Variants in SRP72 observed in about 807,000 individuals in gnomAD.
SRP72 encodes signal recognition particle subunit SRP72.
A neutral mutation model predicts 96.3 loss-of-function variants in SRP72; 49 were observed. The observed-to-expected ratio is 0.51, with a 90% CI of 0.40 to 0.65. SRP72 has a LOEUF of 0.65. SRP72 is among the 30% of genes least tolerant of loss of function. The pLI, the probability that SRP72 is intolerant of heterozygous loss-of-function variation, is 0.00. For synonymous variants in SRP72, 267 were observed against 275.2 expected (o/e 0.97, Z 0.30); for missense variants, 736 against 793.3 (o/e 0.93, Z 0.87).
chr4:56,473,328 C>G (rs991226746), intron 3 of SRP72, among the ~76,000 whole-genome samples: 4 of 151,848 alleles, frequency 2.6e-5, no homozygotes, highest in Non-Finnish European at 5.9e-5. Context: ...GGTGTGGTGG[C>G]GGGCGCCTGG....
chr4:56,483,604 G>A (rs1578186313), intron 9 of SRP72, among the ~76,000 whole-genome samples: 1 of 151,638 alleles, frequency 6.6e-6, no homozygotes, highest in South Asian at 2.1e-4. Flanking sequence ...CACAAGAATT[G>A]TTTGCAGTGA....
At chr4:56,483,021 C>G (rs1274266246) in intron 8 of SRP72, 118 bp from the exon 9 acceptor site, 1 of 839,070 alleles carries the variant, frequency 1.2e-6, no homozygotes, top group African/African-American at 1.8e-5. Context: ...TTAGCTTAGG[C>G]ACCCCAATCA....
At chr4:56,473,615 A>AT (rs1720074523) in intron 3 of SRP72, among the ~76,000 whole-genome samples, 1 of 151,304 alleles carries the variant, frequency 6.6e-6, no homozygotes, top group Non-Finnish European at 1.5e-5. Flanking sequence ...AAAATACAAA[A>AT]TTAGCCAGGC....
In SRP72 at chr4:56,471,754, T is replaced by C. The variant is rs1162608944; in HGVS notation, c.265T>C (p.Tyr89His). Reference sequence around the variant, plus strand: ...CTCCTTTGAAAAGGCATATTGCGAGTACAGGCTGAACAGAATTGAGAATGC... The same window carrying C: ...CTCCTTTGAAAAGGCATATTGCGAGCACAGGCTGAACAGAATTGAGAATGC... Reference protein sequence around the residue: ...SLSFEKAYCEYRLNRIENALK... With the variant: ...SLSFEKAYCEHRLNRIENALK... Residue 89 changes from tyrosine to histidine, a missense_variant, in exon 3 of 19, where the codon TAC (tyrosine) becomes CAC (histidine). This residue lies in a region of SRP72 where 329 missense variants were observed against 319.0 expected (regional missense o/e 1.03). Transcript: ENST00000642900. 6.2e-7 allele frequency: 1 copy of C among 1,613,938 alleles called. No homozygotes were observed. Among genetic ancestry groups the C allele is most frequent in the East Asian group, 2.2e-5 (1 of 44,874 alleles).
rs545546994 is a variant in SRP72, at chr4:56,482,364, C to T, written c.826-775C>T. ...TCGGGAGACTGAGGCAGGAGAATGG[C>T]GTGAACCCGTGAGGCGGAGCTGGTA... On this transcript the variant is annotated intron_variant, in intron 8 of 18. Transcript: ENST00000642900. 2.3e-4 allele frequency among the ~76,000 whole-genome samples: 35 copies of T among 151,326 alleles called. No homozygotes were observed. The East Asian group carries it at 6.5e-3, about 28-fold the overall frequency.
At chr4:56,499,480 A>G (rs545007970) in intron 17 of SRP72, among the ~76,000 whole-genome samples, 1 of 152,332 alleles carries the variant, frequency 6.6e-6, no homozygotes, top group East Asian at 1.9e-4. Flanking sequence ...AGTCCATCTG[A>G]CAAAGGGCTA....
chr4:56,493,394 G>C (rs1289680711), intron 16 of SRP72, among the ~76,000 whole-genome samples: 1 of 152,066 alleles, frequency 6.6e-6, no homozygotes, highest in African/African-American at 2.4e-5. Flanking sequence ...AAGCTTTTAA[G>C]TTTCAGCACA....
intron 16 of SRP72, 59 bp from the exon 17 acceptor site, chr4:56,495,298 T>C (rs1020299031): frequency 8.8e-6 from 11 of 1,248,208 alleles, no homozygotes; most frequent in Non-Finnish European, 2.3e-6. Context: ...GAGCACTTAC[T>C]TAATGCTCTA....
intron 16 of SRP72, among the ~76,000 whole-genome samples, chr4:56,493,432 CTTTAT>C (rs757141172): frequency 2.0e-5 from 3 of 152,170 alleles, no homozygotes; most frequent in Non-Finnish European, 2.9e-5. Flanking sequence ...TATTAATGCT[CTTTAT>C]TTTATCTTAT....
intron 6 of SRP72, 67 bp downstream of exon 6, chr4:56,476,769 A>G (rs1720239062): frequency 6.6e-7 from 1 of 1,525,754 alleles, no homozygotes; most frequent in South Asian, 1.2e-5. Context: ...CTGAGGCTTC[A>G]TTGTACTATT....
intron 13 of SRP72, among the ~76,000 whole-genome samples, chr4:56,489,817 G>A (rs966386262): frequency 2.0e-5 from 3 of 152,020 alleles, no homozygotes; most frequent in African/African-American, 7.2e-5. Context: ...GCCCATGGGT[G>A]GTAGTAATTA....
chr4:56,490,799 A>G (rs1720879844), intron 15 of SRP72, among the ~76,000 whole-genome samples, 154 bp downstream of exon 15: 1 of 152,204 alleles, frequency 6.6e-6, no homozygotes, highest in African/African-American at 2.4e-5. Context: ...TTTATTGATC[A>G]GTGTGACTGA....
rs1322161953 is a variant in SRP72, at chr4:56,502,386, AAAAT to A, written c.*529_*532del. On this transcript the variant is annotated 3_prime_UTR_variant, in exon 19 of 19. Coordinates refer to ENST00000642900, the MANE Select transcript of SRP72 (RefSeq NM_006947.4). The stretch of plus-strand genomic sequence containing the variant: ...CTTCACTAAATGGATGGCCACAAGA[AAAAT>A]AAAGTAAATGTCTTAAATAATTTAA... 1 of 150,526 alleles carries A rather than the reference AAAAT, an allele frequency of 6.6e-6. No homozygotes were observed. Among genetic ancestry groups the A allele is most frequent in the Non-Finnish European group, 1.5e-5 (1 of 67,874 alleles). The allele number at this position is 150,526 out of a possible 1,614,324, so 9.3% of individuals were successfully genotyped here.
At chr4:56,491,094 G>T (rs1444198843) in intron 15 of SRP72, among the ~76,000 whole-genome samples, 1 of 152,180 alleles carries the variant, frequency 6.6e-6, no homozygotes, top group Non-Finnish European at 1.5e-5. Flanking sequence ...CAAAACTGAG[G>T]TGGGTTGGTG....
intron 12 of SRP72, chr4:56,489,099 C>G (rs569209666): frequency 3.9e-6 from 1 of 256,006 alleles, no homozygotes; most frequent in East Asian, 7.2e-5. Flanking sequence ...AGAAACATTT[C>G]TAAGGGCTTA....
intron 10 of SRP72, 148 bp downstream of exon 10, chr4:56,485,012 T>A: frequency 2.0e-6 from 2 of 986,498 alleles, no homozygotes; most frequent in Non-Finnish European, 2.8e-6. Context: ...TTTAGTTAAC[T>A]CTTGGGTTAC....
intron 5 of SRP72, chr4:56,474,658 C>G (rs980065020): frequency 3.8e-6 from 2 of 524,700 alleles, no homozygotes; most frequent in Non-Finnish European, 6.7e-6. Flanking sequence ...ATTCTCCTGC[C>G]TCAGCCTCCC....
Position 56,488,300 on chromosome 4 carries a change from G to A in SRP72, c.1224+287G>A, listed in dbSNP as rs757187993. Among the ~76,000 whole-genome samples, 6 of 152,090 alleles carry A rather than the reference G, an allele frequency of 3.9e-5. 1 individual carries two copies. The highest frequency in any genetic ancestry group is 4.1e-4 in the South Asian group (2 of 4,828). ...GAATTTCTTAGCCTATATCATTTTC[G>A]TCAGTGTGATTTCTTTAAATTAGAA... On this transcript the variant is annotated intron_variant, in intron 12 of 18. Coordinates refer to ENST00000642900, the MANE Select transcript of SRP72 (RefSeq NM_006947.4).
At chr4:56,483,342 G>A (rs1720574038) in intron 9 of SRP72, 72 bp downstream of exon 9, 1 of 1,402,246 alleles carries the variant, frequency 7.1e-7, no homozygotes, top group African/African-American at 1.5e-5. Context: ...AGGGATATTA[G>A]TCTAATCTTT....
Sources: gnomAD v4.1 joint callset for allele counts (sites outside exome capture counted in the v4.1 genomes callset) on GRCh38, gnomAD v4.1.1 for gene constraint, gnomAD v4.1.1 regional missense constraint, MANE v1.5 for transcripts, NCBI Gene and HGNC (gene_info 2026-07-23, HGNC 2026-07-21) for gene names.